Variants in SPICE1 observed in about 807,000 individuals in gnomAD.
SPICE1 encodes the protein spindle and centriole associated protein 1.
A neutral mutation model predicts 102.7 loss-of-function variants in SPICE1; 75 were observed. The ratio of observed to expected loss-of-function variants is 0.73; its 90% confidence interval spans 0.61 to 0.88. The LOEUF (loss-of-function observed/expected upper bound fraction) is 0.88, where lower values mean the gene tolerates loss of function less well. Ranked by LOEUF, SPICE1 falls within the 40% of genes least tolerant of loss-of-function variation. SPICE1 has a pLI of 0.00. For missense variants in SPICE1, 979 were observed against 1,020.1 expected (o/e 0.96, Z 0.55); for synonymous variants, 308 against 350.3 (o/e 0.88, Z 1.35).
rs115953467 is a variant in SPICE1, at chr3:113,482,456, T to C, written c.611+6489A>G. 8.1e-3 allele frequency among the ~76,000 whole-genome samples: 1,232 copies of C among 152,326 alleles called. 14 individuals are homozygous for C. The highest frequency in any genetic ancestry group is 0.028 in the African/African-American group (1,153 of 41,570). ...TTTTGGCTTTTGTTGCCGTTGCTTT[T>C]GGAGTTTTAGACCTGAAGCCTTTGT... On this transcript the variant is annotated intron_variant, in intron 7 of 17. Coordinates refer to ENST00000295872, the MANE Select transcript of SPICE1 (RefSeq NM_144718.4).
Position 113,488,952 on chromosome 3 carries a change from T to C in SPICE1, c.604A>G (p.Thr202Ala). ...NSLNSQSNTN[T>A]DRFLQQLTEE... ...TATGCCATATACACATACCTGTCTG[T>C]ATTCGTGTTAGACTGAGAGTTTAGA... The change falls in exon 7 of 18, where the codon ACA becomes GCA. Residue 202 changes from threonine (T) to alanine (A), a missense_variant. Coordinates refer to ENST00000295872, the MANE Select transcript of SPICE1 (RefSeq NM_144718.4). 6.3e-7 allele frequency: 1 copy of C among 1,599,126 alleles called. No homozygotes were observed. Among genetic ancestry groups the C allele is most frequent in the Non-Finnish European group, 8.6e-7 (1 of 1,166,350 alleles).
chr3:113,453,782 A>T lies in SPICE1; in HGVS notation c.1826T>A (p.Met609Lys). ...AGTTTTGTTCTCCAAATCTTCTCCC[A>T]TGTGAGAGACTCTCCATCTCTGAGT... is the stretch of plus-strand genomic sequence containing the variant. ...LFTQRWRVSH[M>K]GEDLENKTQA... is the part of the protein sequence containing the mutation. The change falls in exon 14 of 18, where the codon ATG becomes AAG. Residue 609 changes from methionine (M) to lysine (K), a missense_variant. Physicochemically the swap from Met to Lys is moderately conservative, Grantham distance 95 (BLOSUM62 -1). Coordinates refer to ENST00000295872, the MANE Select transcript of SPICE1 (RefSeq NM_144718.4). The T allele has an allele frequency of 6.2e-7, 1 of 1,614,134 alleles. No individual in the cohort carries two copies. The highest frequency in any genetic ancestry group is 8.5e-7 in the Non-Finnish European group (1 of 1,180,018).
At chr3:113,470,980 G>C (rs7618146) in intron 7 of SPICE1, among the ~76,000 whole-genome samples, 2,526 of 152,270 alleles carry the variant, frequency 0.017, 56 homozygotes, top group African/African-American at 0.049. Flanking sequence ...TTTGCACCAG[G>C]ATGGATTCTA....
intron 7 of SPICE1, among the ~76,000 whole-genome samples, chr3:113,472,407 T>C (rs1936226794): frequency 1.3e-5 from 2 of 152,254 alleles, no homozygotes. Flanking sequence ...TAAATGTCCC[T>C]GTCTGACAGC....
Position 113,457,186 on chromosome 3 carries a change from A to G in SPICE1, c.1607T>C (p.Leu536Ser). ...PAHIFEPAVL[L>S]TPPRQKSNLK... ...GTTGCTCTTCTGCCTGGGTGGTGTT[A>G]ACAACACAGCTGGCTCAAAAATATG... Residue 536 changes from leucine to serine, a missense_variant, in exon 13 of 18, where the codon TTA becomes TCA. Leu to Ser is a moderately radical substitution (Grantham distance 145, BLOSUM62 -2). Coordinates refer to ENST00000295872, the MANE Select transcript of SPICE1 (RefSeq NM_144718.4). 1 of 1,614,208 alleles carries G rather than the reference A, an allele frequency of 6.2e-7. No individual in the cohort carries two copies. Among genetic ancestry groups the G allele is most frequent in the Non-Finnish European group, 8.5e-7 (1 of 1,180,034 alleles).
intron 7 of SPICE1, among the ~76,000 whole-genome samples, chr3:113,481,990 C>CT: frequency 6.6e-6 from 1 of 152,182 alleles, no homozygotes; most frequent in East Asian, 1.9e-4. Flanking sequence ...AATCGCCACA[C>CT]TGTCTTCCAC....
intron 15 of SPICE1, among the ~76,000 whole-genome samples, chr3:113,448,533 A>C (rs1935570336): frequency 6.6e-6 from 1 of 152,222 alleles, no homozygotes; most frequent in Non-Finnish European, 1.5e-5. Context: ...TAAAACTTTA[A>C]ATCTTTTAAA....
chr3:113,479,087 T>C (rs939469244), intron 7 of SPICE1, among the ~76,000 whole-genome samples: 3 of 150,670 alleles, frequency 2.0e-5, no homozygotes, highest in Non-Finnish European at 4.4e-5. Flanking sequence ...AACTCGTCAT[T>C]TAGCATTAGG....
chr3:113,514,848 G>A, intron 1 of SPICE1, 49 bp downstream of exon 1: 1 of 1,232,716 alleles, frequency 8.1e-7, no homozygotes, highest in Non-Finnish European at 1.0e-6. Context: ...TACTCGAGGT[G>A]CTCTGGCGCC....
chr3:113,468,534 A>C (rs1490261747), intron 9 of SPICE1, 130 bp from the exon 10 acceptor site: 1 of 1,202,894 alleles, frequency 8.3e-7, no homozygotes. Flanking sequence ...CATTTCTCTC[A>C]TAAAAATTAA....
intron 7 of SPICE1, among the ~76,000 whole-genome samples, chr3:113,471,144 A>G (rs1290217434): frequency 6.6e-6 from 1 of 152,194 alleles, no homozygotes; most frequent in Non-Finnish European, 1.5e-5. Context: ...TAGGCTAAAT[A>G]ATAATGCCTG....
In SPICE1 at chr3:113,465,595, A is replaced by G. The variant is rs114152480; in HGVS notation, c.1287+58T>C. The stretch of plus-strand genomic sequence containing the variant: ...AAGCAACTCTAAGAGAATCCAGTAC[A>G]TGTTTAAAGATGTTTTATACCACTG... On this transcript the variant is annotated intron_variant, in intron 11 of 17. Transcript: ENST00000295872. 2,476 of 1,493,292 alleles carry G rather than the reference A, an allele frequency of 1.7e-3. 38 individuals carry two copies. The African/African-American group carries it at 0.031, about 19-fold the overall frequency. 92.5% of individuals were successfully genotyped at this position (1,493,292 alleles called of 1,614,324 possible). A position where few individuals can be genotyped will look rare whatever the true frequency, so the allele number is the denominator to read the frequency against.
chr3:113,504,458 G>A (rs1937068133), intron 2 of SPICE1, among the ~76,000 whole-genome samples: 1 of 151,688 alleles, frequency 6.6e-6, no homozygotes, highest in Non-Finnish European at 1.5e-5. Flanking sequence ...AGGCATGGTG[G>A]TGTGCGCTTG....
chr3:113,505,673 C>T lies in SPICE1; in HGVS notation c.99+834G>A, dbSNP rs72946764. ...CCCAGCACTTTGGGAAGCGAAGGCA[C>T]GAGGATCGCTTGAGGCTAGGAGTTT... is the stretch of plus-strand genomic sequence containing the variant. On this transcript the variant is annotated intron_variant, in intron 2 of 17. Coordinates refer to ENST00000295872, the MANE Select transcript of SPICE1 (RefSeq NM_144718.4). Among the ~76,000 whole-genome samples, 714 of 152,250 alleles carry T rather than the reference C, an allele frequency of 4.7e-3. 5 individuals carry two copies. Among genetic ancestry groups the T allele is most frequent in the African/African-American group, 0.016 (681 of 41,546 alleles).
chr3:113,466,950 G>T (rs1473879637), intron 10 of SPICE1, among the ~76,000 whole-genome samples: 1 of 152,008 alleles, frequency 6.6e-6, no homozygotes, highest in African/African-American at 2.4e-5. Flanking sequence ...TTGGGAGGCT[G>T]AGGCTGGAAA....
chr3:113,454,764 T>C (rs927837800), intron 13 of SPICE1, among the ~76,000 whole-genome samples: 19 of 151,906 alleles, frequency 1.3e-4, no homozygotes, highest in African/African-American at 4.6e-4. Flanking sequence ...CGCAAGTGAC[T>C]TTATCAGAGT....
intron 3 of SPICE1, 115 bp downstream of exon 3, chr3:113,503,065 T>C: frequency 9.2e-7 from 1 of 1,086,790 alleles, no homozygotes; most frequent in Non-Finnish European, 1.3e-6. Flanking sequence ...ATAAACAAGA[T>C]TAAACATAAC....
chr3:113,458,405 G>A (rs1935835179), intron 12 of SPICE1, among the ~76,000 whole-genome samples: 1 of 152,202 alleles, frequency 6.6e-6, no homozygotes, highest in African/African-American at 2.4e-5. Context: ...GTGGAGACGG[G>A]GTTTCGCCGT....
At chr3:113,458,791 C>T (rs1229839592) in intron 12 of SPICE1, among the ~76,000 whole-genome samples, 2 of 151,480 alleles carry the variant, frequency 1.3e-5, no homozygotes, top group East Asian at 1.9e-4. Context: ...GGCCGCCCAT[C>T]GTCTGGGATG....
Sources: allele counts gnomAD v4.1 joint callset (sites outside exome capture counted in the v4.1 genomes callset), GRCh38; gene constraint gnomAD v4.1.1; transcripts MANE v1.5; gene names NCBI Gene and HGNC (gene_info 2026-07-23, HGNC 2026-07-21).